The following SH3GL2 variants were observed in gnomAD, a reference collection of about 807,000 sequenced individuals.
The protein encoded by SH3GL2 is endophilin-A1.
SH3GL2 carries 24 observed loss-of-function variants against 46.0 expected under a neutral mutation model. That is an observed-to-expected ratio of 0.52 (90% CI 0.38 to 0.73). The LOEUF is 0.73. SH3GL2 is among the 30% of genes least tolerant of loss of function. The probability of loss-of-function intolerance (pLI) is 0.00; values close to 1 mark genes in which losing one functional copy is unlikely to be tolerated. For missense variants in SH3GL2, 413 were observed against 424.2 expected, an observed-to-expected ratio of 0.97 and a Z score of 0.23; for synonymous variants, 196 against 147.1, an observed-to-expected ratio of 1.33 and a Z score of -2.40.
At chr9:17,662,595 A>G (rs540730902) in intron 1 of SH3GL2, among the ~76,000 whole-genome samples, 2 of 151,546 alleles carry the variant, frequency 1.3e-5, no homozygotes, top group African/African-American at 2.4e-5. Flanking sequence ...TCAGATACAG[A>G]CTCATGTTTG....
Position 17,789,522 on chromosome 9 carries a change from C to A in SH3GL2, c.596C>A (p.Ser199Ter). ...GATGAGTCTAAGGAAATTGCTGAGT[C>A]AAGCATGTTCAATCTCTTGGAGATG... ...KFDESKEIAESSMFNLLEMDI... is the reference protein window; with the variant it reads ...KFDESKEIAE Residue 199 changes from serine (S) to a stop codon, truncating the protein, a stop_gained, in exon 6 of 9, where the codon TCA (serine) becomes TAA (stop). Coordinates refer to ENST00000380607, the MANE Select transcript of SH3GL2 (RefSeq NM_003026.5). LOFTEE classifies it high-confidence loss of function. 1 of 1,613,406 alleles carries A rather than the reference C, an allele frequency of 6.2e-7. No individual in the cohort carries two copies. The highest frequency in any genetic ancestry group is 1.1e-5 in the South Asian group (1 of 91,052).
At chr9:17,711,512 C>A (rs1452063635) in intron 1 of SH3GL2, among the ~76,000 whole-genome samples, 5 of 151,864 alleles carry the variant, frequency 3.3e-5, no homozygotes, top group Non-Finnish European at 5.9e-5. Context: ...TATTCTTTCT[C>A]TTACCATAGA....
In SH3GL2 at chr9:17,786,460, A is replaced by G. The variant is rs2131185826; in HGVS notation, c.267A>G (p.Ala89=). 1 of 1,613,602 alleles carries G rather than the reference A, an allele frequency of 6.2e-7. No homozygotes were observed. Among genetic ancestry groups the G allele is most frequent in the East Asian group, 2.2e-5 (1 of 44,852 alleles). Residue 89 remains alanine, a synonymous_variant, in exon 4 of 9, where the codon GCA becomes GCG. Coordinates refer to ENST00000380607, the MANE Select transcript of SH3GL2 (RefSeq NM_003026.5). ...AGAAGGGGCCAGGCTATCCTCAGGC[A>G]GAGGCGCTGCTGGCAGAGGCCATGC... is the stretch of plus-strand genomic sequence containing the variant. ...GQEKGPGYPQ[A]EALLAEAMLK...
chr9:17,763,339 G>A (rs1408496630), intron 3 of SH3GL2, among the ~76,000 whole-genome samples: 1 of 152,122 alleles, frequency 6.6e-6, no homozygotes, highest in Non-Finnish European at 1.5e-5. Flanking sequence ...GACCTTATGT[G>A]GAAATAATCC....
chr9:17,740,700 GA>G (rs1285518219), intron 1 of SH3GL2, among the ~76,000 whole-genome samples: 13 of 152,200 alleles, frequency 8.5e-5, no homozygotes, highest in East Asian at 3.9e-4. Flanking sequence ...ATTACATTTA[GA>G]TTTTTTTGCT....
chr9:17,716,677 TTC>T (rs889916951), intron 1 of SH3GL2, among the ~76,000 whole-genome samples: 1 of 152,138 alleles, frequency 6.6e-6, no homozygotes, highest in Non-Finnish European at 1.5e-5. Context: ...ATATCTTGGG[TTC>T]TCTCTCAGTG....
chr9:17,668,354 C>T (rs1445631516), intron 1 of SH3GL2, among the ~76,000 whole-genome samples: 1 of 152,204 alleles, frequency 6.6e-6, no homozygotes, highest in East Asian at 1.9e-4. Flanking sequence ...AGAGTCCCAT[C>T]ACTAGTTTTT....
rs1238100320 is a variant in SH3GL2 at position 17,679,632 on chromosome 9, C to G, written c.46-67434C>G. Among the ~76,000 whole-genome samples the G allele has an allele frequency of 2.0e-5, 3 of 152,218 alleles. No homozygotes were observed. In the East Asian group the frequency reaches 5.8e-4, roughly 29 times the overall value. ...GAATACCCTTTATTTCTTTCTCCTG[C>G]CTGATTGCCCTGGCCAGAACTTTCA... is the stretch of plus-strand genomic sequence containing the variant. On this transcript the variant is annotated intron_variant, in intron 1 of 8. Coordinates refer to ENST00000380607, the MANE Select transcript of SH3GL2 (RefSeq NM_003026.5).
intron 1 of SH3GL2, among the ~76,000 whole-genome samples, chr9:17,711,355 A>T (rs935219266): frequency 1.3e-5 from 2 of 151,918 alleles, no homozygotes; most frequent in East Asian, 3.9e-4. Context: ...TTTAAAGCAT[A>T]TAGCATGATA....
chr9:17,673,147 T>TTTTG (rs1554637573), intron 1 of SH3GL2, among the ~76,000 whole-genome samples: 4 of 151,920 alleles, frequency 2.6e-5, no homozygotes, highest in East Asian at 3.9e-4. Context: ...TTGACTTTTT[T>TTTTG]TTTGTTTGTT....
chr9:17,683,376 C>A (rs1345578980), intron 1 of SH3GL2, among the ~76,000 whole-genome samples: 1 of 152,016 alleles, frequency 6.6e-6, no homozygotes, highest in Admixed American at 6.6e-5. Context: ...CCTTCTCTAA[C>A]CCTGTTTCTC....
rs73642310 is a variant in SH3GL2 at position 17,761,556 on chromosome 9, T to C, written c.187+47T>C. The C allele has an allele frequency of 1.6e-3, 1,798 of 1,119,708 alleles. 20 individuals are homozygous for C. The African/African-American group carries it at 0.023, about 14-fold the overall frequency. The allele number at this position is 1,119,708 out of a possible 1,614,324, so 69.4% of individuals were successfully genotyped here. A position where few individuals can be genotyped will look rare whatever the true frequency, so the allele number is the denominator to read the frequency against. Reference sequence around the variant, plus strand: ...TTAAAGGATCCCTCGAGGTAACTTTTAGTTTCTCTTTGATAGACATTTTAA... The same window carrying C: ...TTAAAGGATCCCTCGAGGTAACTTTCAGTTTCTCTTTGATAGACATTTTAA... On this transcript the variant is annotated intron_variant, in intron 3 of 8. Coordinates refer to ENST00000380607, the MANE Select transcript of SH3GL2 (RefSeq NM_003026.5).
chr9:17,658,261 C>T (rs1417690775), intron 1 of SH3GL2, among the ~76,000 whole-genome samples: 1 of 152,158 alleles, frequency 6.6e-6, no homozygotes, highest in African/African-American at 2.4e-5. Context: ...TGGGTACCTA[C>T]TATTTCAGAT....
intron 1 of SH3GL2, among the ~76,000 whole-genome samples, chr9:17,622,977 T>TTTCCTTCCCTTTCCTTTCCGTTCCG (rs1563786387): frequency 6.0e-5 from 4 of 67,142 alleles, no homozygotes; most frequent in African/African-American, 1.7e-4. Flanking sequence ...TTTCCTTTCG[T>TTTCCTTCCCTTTCCTTTCCGTTCCG]TTCCTTTCGT....
At chr9:17,683,568 A>G (rs944412309) in intron 1 of SH3GL2, among the ~76,000 whole-genome samples, 2 of 152,042 alleles carry the variant, frequency 1.3e-5, no homozygotes, top group Non-Finnish European at 2.9e-5. Context: ...GGGAGGAGGT[A>G]GATCACTTGG....
rs146740472 is a variant in SH3GL2 at position 17,789,742 on chromosome 9, C to T, written c.624+192C>T. The T allele has an allele frequency of 2.1e-5, 28 of 1,355,036 alleles. No individual in the cohort carries two copies. The East Asian group carries it at 7.5e-4, about 36-fold the overall frequency. 83.9% of individuals were successfully genotyped at this position (1,355,036 alleles called of 1,614,324 possible). A position where few individuals can be genotyped will look rare whatever the true frequency, so the allele number is the denominator to read the frequency against. On this transcript the variant is annotated intron_variant, in intron 6 of 8. Transcript: ENST00000380607. ...GAAATAGAAAAGTTTCTTCTGCATT[C>T]CTGTAGTTTAACTAGATTCTCGACT...
chr9:17,644,348 G>C (rs537817878), intron 1 of SH3GL2, among the ~76,000 whole-genome samples: 1 of 151,996 alleles, frequency 6.6e-6, no homozygotes, highest in Admixed American at 6.5e-5. Context: ...TCTGATCTTA[G>C]TTATTTCTTG....
At chr9:17,740,787 A>G (rs1426494621) in intron 1 of SH3GL2, among the ~76,000 whole-genome samples, 1 of 109,300 alleles carries the variant, frequency 9.1e-6, no homozygotes, top group Non-Finnish European at 1.9e-5. Flanking sequence ...CCTTATTTAA[A>G]TTATGATTTT....
intron 3 of SH3GL2, among the ~76,000 whole-genome samples, chr9:17,768,370 CAAA>C (rs34891273): frequency 7.4e-5 from 5 of 67,194 alleles, no homozygotes; most frequent in Non-Finnish European, 1.2e-4. Flanking sequence ...GACTCTGTCT[CAAA>C]AAAAAAAAAA....
Sources: gnomAD v4.1 joint callset for allele counts (sites outside exome capture counted in the v4.1 genomes callset) on GRCh38, gnomAD v4.1.1 for gene constraint, MANE v1.5 for transcripts, NCBI Gene and HGNC (gene_info 2026-07-23, HGNC 2026-07-21) for gene names.